MYO1F: variants seen among roughly 807,000 people sequenced by gnomAD.
The protein encoded by MYO1F is unconventional myosin-If.
A neutral mutation model predicts 146.6 loss-of-function variants in MYO1F; 60 were observed. The ratio of observed to expected loss-of-function variants is 0.41; its 90% confidence interval spans 0.33 to 0.51. The LOEUF is 0.51. MYO1F is among the 20% of genes least tolerant of loss of function. The pLI is 0.25. For synonymous variants in MYO1F, 602 were observed against 602.1 expected (o/e 1.00, Z 0.00); for missense variants, 1,274 against 1,534.3 (o/e 0.83, Z 2.83).
At chr19:8,538,584 A>AT (rs79984981) in intron 16 of MYO1F, among the ~76,000 whole-genome samples, 4,781 of 126,484 alleles carry the variant, frequency 0.038, 157 homozygotes, top group African/African-American at 0.082. Context: ...TCCCGGTCTG[A>AT]TTTTTTTTTT....
chr19:8,529,435 T>C (rs376983152), intron 21 of MYO1F, among the ~76,000 whole-genome samples: 200 of 151,984 alleles, frequency 1.3e-3, no homozygotes, highest in African/African-American at 4.6e-3. Flanking sequence ...CAGAAGAGGA[T>C]GTGTCTGTTG....
intron 13 of MYO1F, chr19:8,545,400 A>G: frequency 2.0e-6 from 1 of 491,060 alleles, no homozygotes; most frequent in South Asian, 2.0e-5. Context: ...TGCAAATTTG[A>G]CTCTAACTGT....
intron 27 of MYO1F, 106 bp downstream of exon 27, chr19:8,522,271 C>G: frequency 6.9e-7 from 1 of 1,440,848 alleles, no homozygotes; most frequent in Non-Finnish European, 9.6e-7. Context: ...ATCTGCCCGC[C>G]TTGGCCTCCC....
intron 1 of MYO1F, among the ~76,000 whole-genome samples, chr19:8,569,609 C>T (rs1050470760): frequency 3.9e-5 from 6 of 152,122 alleles, no homozygotes; most frequent in East Asian, 3.9e-4. Context: ...TTGGGGGGCT[C>T]GGTGTTCCCC....
chr19:8,574,591 CTCTCTCTTTCTTTCTT>C (rs1265402094), intron 1 of MYO1F, among the ~76,000 whole-genome samples: 25 of 84,104 alleles, frequency 3.0e-4, no homozygotes, highest in African/African-American at 1.2e-3. Context: ...CTCTCTCTCT[CTCTCTCTTTCTTTCTT>C]TCTTTCTTTC....
intron 19 of MYO1F, among the ~76,000 whole-genome samples, chr19:8,534,890 G>A (rs1972641391): frequency 1.3e-5 from 2 of 151,548 alleles, no homozygotes; most frequent in South Asian, 4.2e-4. Context: ...TTCCCAAAGT[G>A]TTGAGATTAT....
In MYO1F at chr19:8,531,388, G is replaced by A. The variant is rs561636459; in HGVS notation, c.2044-815C>T. 8.5e-5 allele frequency among the ~76,000 whole-genome samples: 13 copies of A among 152,196 alleles called. No homozygotes were observed. The South Asian group carries it at 2.7e-3, about 32-fold the overall frequency. ...GAAAAAGACAGGGTCTCGCTCCGTC[G>A]CCCAGACTGGAGTGTGGTGGTGCAG... On this transcript the variant is annotated intron_variant, in intron 19 of 27. Transcript: ENST00000644032.
intron 4 of MYO1F, among the ~76,000 whole-genome samples, chr19:8,554,175 T>C (rs1208193453): frequency 1.3e-5 from 2 of 152,088 alleles, no homozygotes; most frequent in African/African-American, 2.4e-5. Flanking sequence ...CAGGCTGGTC[T>C]TGAACTCCTA....
intron 5 of MYO1F, 46 bp from the exon 6 acceptor site, chr19:8,553,274 G>A (rs1443013454): frequency 1.9e-6 from 3 of 1,608,774 alleles, no homozygotes; most frequent in Admixed American, 3.3e-5. Context: ...ACTGAGGCAG[G>A]AGTGCAGATG....
chr19:8,543,696 G>C (rs12462245), intron 14 of MYO1F, among the ~76,000 whole-genome samples: 644 of 20,948 alleles, frequency 0.031, 52 homozygotes, highest in African/African-American at 0.079. Flanking sequence ...GGTGGTGGTG[G>C]TGGTGGTGGT....
intron 1 of MYO1F, among the ~76,000 whole-genome samples, chr19:8,571,999 A>T (rs1313410447): frequency 6.6e-6 from 1 of 152,182 alleles, no homozygotes; most frequent in Admixed American, 6.6e-5. Context: ...TTGGGATTAC[A>T]GGCGTAAGCC....
At chr19:8,524,416 C>CA (rs777339567) in intron 25 of MYO1F, among the ~76,000 whole-genome samples, 1,792 of 83,372 alleles carry the variant, frequency 0.021, 34 homozygotes, top group African/African-American at 0.043. Flanking sequence ...GACTCTGTCT[C>CA]AAAAAAAAAA....
rs772879008 is a variant in MYO1F, at chr19:8,536,237, C to G, written c.2043+15G>C. On this transcript the variant is annotated intron_variant, in intron 19 of 27. Transcript: ENST00000644032. ...TTCCCCTCTCCTTCTCTGCCTGTCC[C>G]TCAAACACACTCACCGACTCTGGGT... 10 of 1,602,548 alleles carry G rather than the reference C, an allele frequency of 6.2e-6. No homozygotes were observed. Among genetic ancestry groups the G allele is most frequent in the Middle Eastern group, 1.7e-4 (1 of 6,060 alleles).
chr19:8,531,707 A>G (rs1972494065), intron 19 of MYO1F, among the ~76,000 whole-genome samples: 1 of 152,250 alleles, frequency 6.6e-6, no homozygotes, highest in African/African-American at 2.4e-5. Flanking sequence ...AAGAAACGGT[A>G]TGATGTCACG....
chr19:8,534,296 T>A (rs1336624954), intron 19 of MYO1F, among the ~76,000 whole-genome samples: 3 of 152,156 alleles, frequency 2.0e-5, no homozygotes, highest in Non-Finnish European at 4.4e-5. Context: ...GTTAAACCGT[T>A]GGCTATTTTT....
chr19:8,520,842 C>T lies in MYO1F; in HGVS notation c.*686G>A, dbSNP rs948919452. The T allele has an allele frequency of 6.8e-6, 1 of 147,786 alleles. No individual in the cohort carries two copies. The highest frequency in any genetic ancestry group is 1.5e-5 in the Non-Finnish European group (1 of 67,612). The allele number at this position is 147,786 out of a possible 1,614,324, so 9.2% of individuals were successfully genotyped here. On this transcript the variant is annotated 3_prime_UTR_variant, in exon 28 of 28. Coordinates refer to ENST00000644032, the MANE Select transcript of MYO1F (RefSeq NM_012335.4). ...GTTTTGCTGTGTTATCCAGGCTGGT[C>T]TTGAACTCCTGGTCTCACGTGATCT...
chr19:8,557,290 C>A (rs1973901672), intron 1 of MYO1F, among the ~76,000 whole-genome samples: 1 of 150,942 alleles, frequency 6.6e-6, no homozygotes, highest in African/African-American at 2.5e-5. Flanking sequence ...AAACAAACAA[C>A]CAAACAAACA....
chr19:8,558,118 G>T (rs540143138), intron 1 of MYO1F, among the ~76,000 whole-genome samples: 1 of 151,896 alleles, frequency 6.6e-6, no homozygotes, highest in Non-Finnish European at 1.5e-5. Flanking sequence ...CACCTTCTTA[G>T]GTTGCCATTT....
chr19:8,536,150 A>C, intron 19 of MYO1F, 102 bp downstream of exon 19: 1 of 1,421,612 alleles, frequency 7.0e-7, no homozygotes, highest in South Asian at 1.2e-5. Flanking sequence ...TCTTTCTCTC[A>C]ATCTCTGTCT....
Sources: allele counts gnomAD v4.1 joint callset (sites outside exome capture counted in the v4.1 genomes callset), GRCh38; gene constraint gnomAD v4.1.1; transcripts MANE v1.5; gene names NCBI Gene and HGNC (gene_info 2026-07-23, HGNC 2026-07-21).